ZC3H14: variants seen among roughly 807,000 people sequenced by gnomAD.
ZC3H14 encodes zinc finger CCCH domain-containing protein 14.
Under a neutral mutation model 92.4 loss-of-function variants are expected in ZC3H14, and 31 were observed. That is an observed-to-expected ratio of 0.34 (90% CI 0.25 to 0.45). The LOEUF is 0.45. Ranked by LOEUF, ZC3H14 falls within the 20% of genes least tolerant of loss-of-function variation. The pLI is 1.00. For synonymous variants in ZC3H14, 321 were observed against 300.9 expected (o/e 1.07, Z -0.69); for missense variants, 781 against 897.3 (o/e 0.87, Z 1.66).
chr14:88,591,839 C>A (rs917695654), intron 9 of ZC3H14: 1 of 152,216 alleles, frequency 6.6e-6, no homozygotes, highest in East Asian at 1.9e-4. Context: ...TTTTGTTCCA[C>A]TTAATGTATC....
Position 88,618,434 on chromosome 14 carries a change from C to G in ZC3H14, c.*6683C>G. On this transcript the variant is annotated 3_prime_UTR_variant, in exon 17 of 17. Transcript: ENST00000251038. The stretch of plus-strand genomic sequence containing the variant: ...GCATATTGCTACTTGATTTACATGT[C>G]TAACATTATTAAGTATGCAAAAGAT... 8.7e-7 allele frequency: 1 copy of G among 1,152,216 alleles called. No individual in the cohort carries two copies. Among genetic ancestry groups the G allele is most frequent in the Non-Finnish European group, 1.3e-6 (1 of 794,846 alleles). 71.4% of individuals were successfully genotyped at this position (1,152,216 alleles called of 1,614,324 possible). A position where few individuals can be genotyped will look rare whatever the true frequency, so the allele number is the denominator to read the frequency against.
chr14:88,566,732 C>T (rs1300096813), intron 2 of ZC3H14, among the ~76,000 whole-genome samples: 1 of 152,050 alleles, frequency 6.6e-6, no homozygotes, highest in Non-Finnish European at 1.5e-5. Flanking sequence ...CCAGCCTAGT[C>T]AACATGCTGA....
chr14:88,579,694 G>A (rs1023788181), intron 9 of ZC3H14, among the ~76,000 whole-genome samples: 6 of 152,182 alleles, frequency 3.9e-5, no homozygotes, highest in Non-Finnish European at 8.8e-5. Flanking sequence ...TGATTCTGAA[G>A]TTAGAATAGC....
In ZC3H14 at chr14:88,626,208, T is replaced by G. The variant is rs935890037; in HGVS notation, c.*14457T>G. ...TCATGTTTCTTGATTTACCTTTCTC[T>G]CTGACAAATTTTTAGGACTATGAAG... On this transcript the variant is annotated 3_prime_UTR_variant, in exon 17 of 17. Coordinates refer to ENST00000251038, the MANE Select transcript of ZC3H14 (RefSeq NM_024824.5). 1 of 152,282 alleles carries G rather than the reference T, an allele frequency of 6.6e-6. No individual in the cohort carries two copies. Among genetic ancestry groups the G allele is most frequent in the African/African-American group, 2.4e-5 (1 of 41,466 alleles). The allele number at this position is 152,282 out of a possible 1,614,324, so 9.4% of individuals were successfully genotyped here. A position where few individuals can be genotyped will look rare whatever the true frequency, so the allele number is the denominator to read the frequency against.
chr14:88,589,438 C>G (rs1287848847), intron 9 of ZC3H14: 1 of 152,178 alleles, frequency 6.6e-6, no homozygotes, highest in Non-Finnish European at 1.5e-5. Flanking sequence ...TTGTTTCATC[C>G]AAATTCAAGG....
intron 14 of ZC3H14, 65 bp from the exon 15 acceptor site, chr14:88,609,647 T>TA: frequency 6.4e-7 from 1 of 1,568,580 alleles, no homozygotes; most frequent in African/African-American, 1.4e-5. Context: ...AAAACATCAG[T>TA]AGACTGCATT....
At chr14:88,580,414 C>G (rs1197365896) in intron 9 of ZC3H14, among the ~76,000 whole-genome samples, 1 of 152,188 alleles carries the variant, frequency 6.6e-6, no homozygotes, top group African/African-American at 2.4e-5. Context: ...GGGAGGATCA[C>G]TTGAGGCCAG....
In ZC3H14 at chr14:88,563,212, G is replaced by A. The variant is rs766487028; in HGVS notation, c.36+43G>A. On this transcript the variant is annotated intron_variant, in intron 1 of 16. Transcript: ENST00000251038. ...CGGGGGTGGGAAGCCAGGTCTCGGC[G>A]AGCGGGCGGTTGTCAGGAGTAACGG... 12 of 1,587,198 alleles carry A rather than the reference G, an allele frequency of 7.6e-6. 1 individual carries two copies. Among genetic ancestry groups the A allele is most frequent in the South Asian group, 3.4e-5 (3 of 87,574 alleles).
At chr14:88,604,527 A>T (rs1039376925) in intron 12 of ZC3H14, among the ~76,000 whole-genome samples, 1 of 151,948 alleles carries the variant, frequency 6.6e-6, no homozygotes, top group Non-Finnish European at 1.5e-5. Context: ...ACCAACAACA[A>T]CATCTGTTTT....
In ZC3H14 at chr14:88,615,986, T is replaced by A; in HGVS notation, c.*4235T>A. 7.9e-7 allele frequency: 1 copy of A among 1,271,494 alleles called. No individual in the cohort carries two copies. The highest frequency in any genetic ancestry group is 1.1e-6 in the Non-Finnish European group (1 of 906,470). 78.8% of individuals were successfully genotyped at this position (1,271,494 alleles called of 1,614,324 possible). ...CTCTTTAACTCCTTTTATTCTGTAT[T>A]TGCATAAATATGAGATTCTGAAGAG... On this transcript the variant is annotated 3_prime_UTR_variant, in exon 17 of 17. Transcript: ENST00000251038.
At chr14:88,589,376 A>T (rs190320985) in intron 9 of ZC3H14, 1 of 152,052 alleles carries the variant, frequency 6.6e-6, no homozygotes, top group Non-Finnish European at 1.5e-5. Flanking sequence ...TCTGCCTTAC[A>T]TCCTTCTTGG....
chr14:88,571,952 G>A (rs2080470067), intron 4 of ZC3H14, 78 bp from the exon 5 acceptor site: 2 of 1,206,088 alleles, frequency 1.7e-6, no homozygotes, highest in African/African-American at 1.6e-5. Flanking sequence ...GACAGAGCGA[G>A]ACTCCATCTC....
At chr14:88,577,394 C>T (rs529891652) in intron 8 of ZC3H14, among the ~76,000 whole-genome samples, 4 of 152,064 alleles carry the variant, frequency 2.6e-5, no homozygotes, top group East Asian at 1.9e-4. Flanking sequence ...TTAAATAAAC[C>T]GCATTTTGTT....
intron 12 of ZC3H14, among the ~76,000 whole-genome samples, chr14:88,606,074 A>C (rs1345851232): frequency 6.6e-6 from 1 of 152,176 alleles, no homozygotes; most frequent in Non-Finnish European, 1.5e-5. Flanking sequence ...CATAATACAT[A>C]ATACCCATGA....
rs1389395465 is a variant in ZC3H14 at position 88,602,959 on chromosome 14, A to T, written c.1646A>T (p.Gln549Leu). ...MCFEGMKPVN[Q>L]TAASNKGLRG... is the part of the protein sequence containing the mutation. ...TTTGAAGGAATGAAACCCGTAAACC[A>T]AACTGCAGCCTCAAACAAGGGACTC... The change falls in exon 12 of 17, where the codon CAA becomes CTA. Residue 549 changes from glutamine (Q) to leucine (L), a missense_variant. This residue lies in a region of ZC3H14 where 221 missense variants were observed against 304.7 expected (regional missense o/e 0.73). Coordinates refer to ENST00000251038, the MANE Select transcript of ZC3H14 (RefSeq NM_024824.5). 6.2e-7 allele frequency: 1 copy of T among 1,614,040 alleles called. No homozygotes were observed. Among genetic ancestry groups the T allele is most frequent in the Non-Finnish European group, 8.5e-7 (1 of 1,180,024 alleles).
Position 88,572,594 on chromosome 14 carries a change from G to A in ZC3H14, c.448G>A (p.Gly150Arg). 1 of 1,614,162 alleles carries A rather than the reference G, an allele frequency of 6.2e-7. No individual in the cohort carries two copies. The highest frequency in any genetic ancestry group is 8.5e-7 in the Non-Finnish European group (1 of 1,180,040). The change falls in exon 6 of 17, where the codon GGA becomes AGA. Residue 150 changes from glycine (G) to arginine (R), a missense_variant. Coordinates refer to ENST00000251038, the MANE Select transcript of ZC3H14 (RefSeq NM_024824.5). ...TTTAAATAGACAGACTTACGATGAT[G>A]GAGCTGCAACCCGACTAATGTCAAC... ...TTNVRQTYDD[G>R]AATRLMSTVK...
chr14:88,613,087 T>G lies in ZC3H14; in HGVS notation c.*1336T>G, dbSNP rs762728462. ...AGATTGTCAAGCCAGCAGTCTACTGTTGTGTTGCCATTGCTTTTCCATTGG... is the reference window on the plus strand; with the variant it reads ...AGATTGTCAAGCCAGCAGTCTACTGGTGTGTTGCCATTGCTTTTCCATTGG... On this transcript the variant is annotated 3_prime_UTR_variant, in exon 17 of 17. Coordinates refer to ENST00000251038, the MANE Select transcript of ZC3H14 (RefSeq NM_024824.5). The G allele has an allele frequency of 4.6e-5, 7 of 152,504 alleles. No individual in the cohort carries two copies. Among genetic ancestry groups the G allele is most frequent in the African/African-American group, 9.6e-5 (4 of 41,462 alleles). 9.4% of individuals were successfully genotyped at this position (152,504 alleles called of 1,614,324 possible). A position where few individuals can be genotyped will look rare whatever the true frequency, so the allele number is the denominator to read the frequency against.
Position 88,610,182 on chromosome 14 carries a change from G to A in ZC3H14, c.2097+379G>A, listed in dbSNP as rs1020210849. ...ACCATCCAAACTTGTACTGATGATG[G>A]TTGATGAATCTCCAGATGTTTAGTT... On this transcript the variant is annotated intron_variant, in intron 15 of 16. Transcript: ENST00000251038. Among the ~76,000 whole-genome samples, 3 of 152,154 alleles carry A rather than the reference G, an allele frequency of 2.0e-5. No homozygotes were observed. The South Asian group carries it at 6.2e-4, about 31-fold the overall frequency.
At chr14:88,576,753 C>T (rs772468679) in intron 8 of ZC3H14, among the ~76,000 whole-genome samples, 32 of 152,122 alleles carry the variant, frequency 2.1e-4, no homozygotes, top group Non-Finnish European at 4.0e-4. Context: ...TGTGACCCCC[C>T]TTCCTAAAAT....
Sources: allele counts gnomAD v4.1 joint callset (sites outside exome capture counted in the v4.1 genomes callset), GRCh38; gene constraint gnomAD v4.1.1; regional missense constraint gnomAD v4.1.1; transcripts MANE v1.5; gene names NCBI Gene and HGNC (gene_info 2026-07-23, HGNC 2026-07-21).